SASH1: variants seen among roughly 807,000 people sequenced by gnomAD.
SASH1 encodes SAM and SH3 domain containing 1.
A neutral mutation model predicts 125.2 loss-of-function variants in SASH1; 44 were observed. The ratio of observed to expected loss-of-function variants is 0.35; its 90% CI spans 0.28 to 0.45. The LOEUF (loss-of-function observed/expected upper bound fraction) is 0.45. SASH1 is among the 20% of genes least tolerant of loss of function. The probability of loss-of-function intolerance (pLI) is 1.00; values close to 1 mark genes in which losing one functional copy is unlikely to be tolerated. For synonymous variants in SASH1, 639 were observed against 649.1 expected, an observed-to-expected ratio of 0.98 and a Z score of 0.24; for missense variants, 1,426 against 1,614.5, an observed-to-expected ratio of 0.88 and a Z score of 2.00.
chr6:148,305,152 GTTTC>G (rs1261113910), intron 1 of SASH1, among the ~76,000 whole-genome samples: 2 of 152,216 alleles, frequency 1.3e-5, no homozygotes, highest in Non-Finnish European at 2.9e-5. Context: ...TTGTTCCAGA[GTTTC>G]TTTCTCATTA....
At chr6:148,515,350 G>A (rs1022701765) in intron 9 of SASH1, among the ~76,000 whole-genome samples, 14 of 152,254 alleles carry the variant, frequency 9.2e-5, no homozygotes, top group South Asian at 6.2e-4. Context: ...AATTATTTTT[G>A]TAGAGGCATT....
the SASH1 span, among the ~76,000 whole-genome samples, chr6:148,257,299 G>A: frequency 6.6e-6 from 1 of 152,248 alleles, no homozygotes; most frequent in South Asian, 2.1e-4. Flanking sequence ...GGGCTTCCCT[G>A]GTGGCAAATG....
At chr6:148,250,139 C>T in the SASH1 span, among the ~76,000 whole-genome samples, 1 of 152,160 alleles carries the variant, frequency 6.6e-6, no homozygotes, top group Non-Finnish European at 1.5e-5. Flanking sequence ...TGCCCTCATC[C>T]CTCTGGCATC....
intron 9 of SASH1, among the ~76,000 whole-genome samples, chr6:148,515,398 A>C (rs1780381475): frequency 6.6e-6 from 1 of 152,208 alleles, no homozygotes; most frequent in Non-Finnish European, 1.5e-5. Context: ...ATGTAAAGAA[A>C]TGAATTTCCC....
intron 8 of SASH1, among the ~76,000 whole-genome samples, chr6:148,490,193 G>T (rs1779048781): frequency 6.6e-6 from 1 of 151,722 alleles, no homozygotes; most frequent in Non-Finnish European, 1.5e-5. Flanking sequence ...TGATAGGAAT[G>T]AAGGCTCCAG....
the SASH1 span, among the ~76,000 whole-genome samples, chr6:148,212,777 G>A: frequency 1.3e-5 from 2 of 152,182 alleles, no homozygotes; most frequent in Non-Finnish European, 2.9e-5. Flanking sequence ...AATCTTGAGA[G>A]GAAGGTTTGT....
At chr6:148,299,736 A>C (rs1475022962) in intron 1 of SASH1, among the ~76,000 whole-genome samples, 1 of 152,030 alleles carries the variant, frequency 6.6e-6, no homozygotes, top group Non-Finnish European at 1.5e-5. Flanking sequence ...TATAAACATA[A>C]GAAGCCTTTA....
intron 1 of SASH1, among the ~76,000 whole-genome samples, chr6:148,279,744 T>A (rs531246510): frequency 2.0e-3 from 311 of 152,206 alleles, no homozygotes; most frequent in Non-Finnish European, 3.7e-3. Context: ...CCTGAAATCC[T>A]AGCACTTTGG....
At chr6:148,512,808 TAC>T (rs1780223475) in intron 8 of SASH1, 5 of 985,132 alleles carry the variant, frequency 5.1e-6, no homozygotes, top group Non-Finnish European at 6.0e-6. Flanking sequence ...TAGATATTAA[TAC>T]ACTTTACAGA....
chr6:148,420,760 T>A (rs1386916808), intron 2 of SASH1, among the ~76,000 whole-genome samples: 1 of 152,132 alleles, frequency 6.6e-6, no homozygotes, highest in Non-Finnish European at 1.5e-5. Context: ...TTTGAACTAT[T>A]TAGGCAATTT....
intron 8 of SASH1, among the ~76,000 whole-genome samples, chr6:148,491,208 T>A (rs900152973): frequency 1.3e-5 from 2 of 152,234 alleles, no homozygotes; most frequent in African/African-American, 4.8e-5. Context: ...ATTCTTTGTC[T>A]CTCCAATGTC....
chr6:148,343,391 C>T (rs1158173762), intron 1 of SASH1, among the ~76,000 whole-genome samples, 168 bp downstream of exon 1: 1 of 152,098 alleles, frequency 6.6e-6, no homozygotes, highest in East Asian at 1.9e-4. Flanking sequence ...GATTTCAAAC[C>T]CTAATTAAAA....
At chr6:148,232,254 A>G in the SASH1 span, among the ~76,000 whole-genome samples, 1 of 152,198 alleles carries the variant, frequency 6.6e-6, no homozygotes, top group Non-Finnish European at 1.5e-5. Context: ...AGCTTTAATA[A>G]GTAGGAGAGA....
the SASH1 span, among the ~76,000 whole-genome samples, chr6:148,211,000 A>G: frequency 3.3e-5 from 5 of 152,230 alleles, no homozygotes; most frequent in Non-Finnish European, 7.3e-5. Context: ...TAACTCTGTT[A>G]TCCATATCCA....
chr6:148,422,036 A>G (rs1785125640), intron 2 of SASH1, among the ~76,000 whole-genome samples: 1 of 152,172 alleles, frequency 6.6e-6, no homozygotes, highest in Non-Finnish European at 1.5e-5. Context: ...GTAAATGACG[A>G]GGAGGGAAAG....
intron 2 of SASH1, among the ~76,000 whole-genome samples, chr6:148,433,854 A>C (rs1776165169): frequency 6.6e-6 from 1 of 152,028 alleles, no homozygotes; most frequent in Admixed American, 6.6e-5. Context: ...GTTTTAAAAA[A>C]TATATGAATA....
chr6:148,395,361 C>G (rs965135678), intron 2 of SASH1, among the ~76,000 whole-genome samples: 1 of 152,202 alleles, frequency 6.6e-6, no homozygotes, highest in Non-Finnish European at 1.5e-5. Context: ...AGTTGCTTGA[C>G]TTAACCCTGA....
chr6:148,245,549 T>A, the SASH1 span, among the ~76,000 whole-genome samples: 1 of 152,172 alleles, frequency 6.6e-6, no homozygotes, highest in African/African-American at 2.4e-5. Flanking sequence ...GGTTCTTTAG[T>A]AAGGTTGAGT....
intron 2 of SASH1, among the ~76,000 whole-genome samples, chr6:148,390,545 G>C (rs1783660039): frequency 6.6e-6 from 1 of 152,232 alleles, no homozygotes; most frequent in South Asian, 2.1e-4. Context: ...CCAGCACTTT[G>C]AGAGGCCCAG....
Sources: gnomAD v4.1 joint callset for allele counts (sites outside exome capture counted in the v4.1 genomes callset) on GRCh38, gnomAD v4.1.1 for gene constraint, MANE v1.5 for transcripts, NCBI Gene and HGNC (gene_info 2026-07-23, HGNC 2026-07-21) for gene names.